Variants in ARHGAP42 observed in about 807,000 individuals in gnomAD.
ARHGAP42 encodes rho GTPase-activating protein 42.
ARHGAP42 carries 63 observed loss-of-function variants against 125.0 expected under a neutral mutation model. The observed-to-expected ratio is 0.50, with a 90% CI of 0.41 to 0.62. The LOEUF (loss-of-function observed/expected upper bound fraction) is 0.62. ARHGAP42 is among the 20% of genes least tolerant of loss of function. The pLI, the probability that ARHGAP42 is intolerant of heterozygous loss-of-function variation, is 0.00. For synonymous variants in ARHGAP42, 339 were observed against 351.0 expected (o/e 0.97, Z 0.38); for missense variants, 766 against 1,024.2 (o/e 0.75, Z 3.44).
intron 10 of ARHGAP42, among the ~76,000 whole-genome samples, chr11:100,946,101 T>C (rs1244866719): frequency 6.6e-6 from 1 of 152,112 alleles, no homozygotes; most frequent in African/African-American, 2.4e-5. Flanking sequence ...TATACTTTTA[T>C]ATTATGCAAA....
At chr11:100,839,279 T>C (rs957451241) in intron 3 of ARHGAP42, 22 of 152,178 alleles carry the variant, frequency 1.4e-4, no homozygotes, top group African/African-American at 5.3e-4. Flanking sequence ...TTTAGATCAG[T>C]GATTAATGGA....
At chr11:100,789,049 T>C (rs1863501521) in intron 2 of ARHGAP42, among the ~76,000 whole-genome samples, 1 of 152,188 alleles carries the variant, frequency 6.6e-6, no homozygotes, top group South Asian at 2.1e-4. Context: ...TCTAGAAGCA[T>C]ATGACCAAGT....
intron 21 of ARHGAP42, among the ~76,000 whole-genome samples, chr11:100,978,310 T>C (rs1476780956): frequency 6.6e-6 from 1 of 152,180 alleles, no homozygotes; most frequent in Non-Finnish European, 1.5e-5. Flanking sequence ...AGAAATAAGA[T>C]AGATTTTTTA....
intron 3 of ARHGAP42, among the ~76,000 whole-genome samples, chr11:100,837,207 G>T (rs181697587): frequency 6.6e-6 from 1 of 151,918 alleles, no homozygotes; most frequent in African/African-American, 2.4e-5. Flanking sequence ...ATGTTTAAGT[G>T]TGTATTTTCT....
rs1294628263 is a variant in ARHGAP42 at position 100,788,789 on chromosome 11, C to T, written c.251-6316C>T. Among the ~76,000 whole-genome samples the T allele has an allele frequency of 1.3e-5, 2 of 152,140 alleles. 1 individual carries two copies. Reference sequence around the variant, plus strand: ...TGGTATTTATTGTTTAGGTATACCACAAACTGATTGTGCTTCTTATTTTGG... The same window carrying T: ...TGGTATTTATTGTTTAGGTATACCATAAACTGATTGTGCTTCTTATTTTGG... On this transcript the variant is annotated intron_variant, in intron 2 of 23. Coordinates refer to ENST00000298815, the MANE Select transcript of ARHGAP42 (RefSeq NM_152432.4).
At chr11:100,974,356 T>C (rs1485764553) in intron 18 of ARHGAP42, 103 bp from the exon 19 acceptor site, 4 of 1,061,576 alleles carry the variant, frequency 3.8e-6, no homozygotes, top group African/African-American at 3.2e-5. Flanking sequence ...AGGATACTTA[T>C]ATTTTGCAGC....
At chr11:100,902,805 G>A (rs1306360734) in intron 4 of ARHGAP42, among the ~76,000 whole-genome samples, 1 of 152,062 alleles carries the variant, frequency 6.6e-6, no homozygotes, top group East Asian at 1.9e-4. Flanking sequence ...GTCACCTCTG[G>A]GCTCTGTCCT....
chr11:100,811,042 G>A (rs988805888), intron 3 of ARHGAP42, among the ~76,000 whole-genome samples: 8 of 151,902 alleles, frequency 5.3e-5, no homozygotes, highest in African/African-American at 1.5e-4. Context: ...CGCAACTTCC[G>A]CCTCCTGGGT....
At chr11:100,776,119 A>G (rs558943905) in intron 2 of ARHGAP42, among the ~76,000 whole-genome samples, 2 of 151,348 alleles carry the variant, frequency 1.3e-5, no homozygotes, top group African/African-American at 4.9e-5. Flanking sequence ...AGATCGTGCC[A>G]TTGCACTCCA....
chr11:100,785,858 G>A (rs1258903988), intron 2 of ARHGAP42, among the ~76,000 whole-genome samples: 2 of 152,152 alleles, frequency 1.3e-5, no homozygotes, highest in Non-Finnish European at 2.9e-5. Context: ...ATACAGGCTG[G>A]CACTACTTTT....
At chr11:100,982,428 T>C (rs958140302) in intron 22 of ARHGAP42, among the ~76,000 whole-genome samples, 6 of 152,184 alleles carry the variant, frequency 3.9e-5, no homozygotes, top group Admixed American at 3.3e-4. Flanking sequence ...GATTCTTATG[T>C]ACATGAAAGT....
intron 3 of ARHGAP42, among the ~76,000 whole-genome samples, chr11:100,801,828 A>G (rs1304152748): frequency 6.6e-6 from 1 of 152,254 alleles, no homozygotes; most frequent in Non-Finnish European, 1.5e-5. Context: ...GTGGCTAGGC[A>G]GAGATCAGCA....
chr11:100,981,802 C>T (rs1176665558), intron 22 of ARHGAP42, among the ~76,000 whole-genome samples: 1 of 152,066 alleles, frequency 6.6e-6, no homozygotes, highest in African/African-American at 2.4e-5. Flanking sequence ...CAGGATTGGG[C>T]AGCTGTTTTG....
chr11:100,782,352 T>A (rs929519731), intron 2 of ARHGAP42, among the ~76,000 whole-genome samples: 68 of 152,354 alleles, frequency 4.5e-4, no homozygotes, highest in African/African-American at 1.6e-3. Context: ...GAGAACACTT[T>A]TTAAAATGTG....
chr11:100,972,687 G>A (rs989579048), intron 17 of ARHGAP42, among the ~76,000 whole-genome samples: 17 of 152,164 alleles, frequency 1.1e-4, no homozygotes, highest in Admixed American at 9.2e-4. Context: ...CAAAATACAC[G>A]TTTCTTTAGG....
chr11:100,871,642 GT>G (rs1294683086), intron 4 of ARHGAP42, among the ~76,000 whole-genome samples: 2 of 151,948 alleles, frequency 1.3e-5, no homozygotes, highest in Admixed American at 6.6e-5. Flanking sequence ...CAATTTTCAT[GT>G]TTATTCTATG....
At chr11:100,796,023 G>A (rs767968181) in intron 3 of ARHGAP42, among the ~76,000 whole-genome samples, 1 of 152,224 alleles carries the variant, frequency 6.6e-6, no homozygotes, top group Middle Eastern at 3.4e-3. Flanking sequence ...ACCACATTTT[G>A]CAGATAATGT....
intron 1 of ARHGAP42, among the ~76,000 whole-genome samples, chr11:100,762,513 C>T (rs1247459142): frequency 6.6e-6 from 1 of 152,178 alleles, no homozygotes; most frequent in East Asian, 1.9e-4. Flanking sequence ...CAGCTCAACT[C>T]TCGTTTATTG....
chr11:100,845,972 G>A (rs1044405214), intron 3 of ARHGAP42, among the ~76,000 whole-genome samples: 25 of 152,236 alleles, frequency 1.6e-4, no homozygotes, highest in African/African-American at 5.8e-4. Flanking sequence ...AAATGGCTAG[G>A]GATAGGTTAT....
Sources: gnomAD v4.1 joint callset for allele counts (sites outside exome capture counted in the v4.1 genomes callset) on GRCh38, gnomAD v4.1.1 for gene constraint, MANE v1.5 for transcripts, NCBI Gene and HGNC (gene_info 2026-07-23, HGNC 2026-07-21) for gene names.